The following STING1 variants were observed in gnomAD, a reference collection of about 807,000 sequenced individuals.
STING1 encodes the protein stimulator of interferon genes protein.
STING1 carries 19 observed loss-of-function variants against 31.6 expected under a neutral mutation model. The observed-to-expected ratio is 0.60, with a 90% CI of 0.42 to 0.88. The LOEUF is 0.88. Ranked by LOEUF, STING1 falls within the 40% of genes least tolerant of loss-of-function variation. The probability of loss-of-function intolerance (pLI) is 0.00; values close to 1 mark genes in which losing one functional copy is unlikely to be tolerated. For synonymous variants in STING1, 200 were observed against 208.6 expected (o/e 0.96, Z 0.35); for missense variants, 371 against 483.7 (o/e 0.77, Z 2.19).
At position 139,478,518 on chromosome 5, in the gene STING1, G is replaced by C; in HGVS notation, c.521-10C>G. On this transcript the variant is annotated splice_polypyrimidine_tract_variant and intron_variant, in intron 5 of 7. Coordinates refer to ENST00000330794, the MANE Select transcript of STING1 (RefSeq NM_198282.4). ...ATCCGGGCCTGGAGCTCTGAGGCAG[G>C]GAAGCCCAAGAAGTTATTCCTGCTA... 1 of 1,612,374 alleles carries C rather than the reference G, an allele frequency of 6.2e-7. No homozygotes were observed. Among genetic ancestry groups the C allele is most frequent in the Non-Finnish European group, 8.5e-7 (1 of 1,178,764 alleles).
chr5:139,481,145 C>A lies in STING1; in HGVS notation c.411+14G>T. ...ACCACTTGGCCAGAGCTTCTACCTC[C>A]CCCTGTGTCATACCTTGAGGCCCAG... On this transcript the variant is annotated intron_variant, in intron 4 of 7. Transcript: ENST00000330794. This position sits in a 1 kb window ranked among gnomAD's most constrained non-coding sequence, Gnocchi z 4.1. 1.2e-6 allele frequency: 2 copies of A among 1,613,666 alleles called. No individual in the cohort carries two copies. Among genetic ancestry groups the A allele is most frequent in the Non-Finnish European group, 1.7e-6 (2 of 1,179,702 alleles).
intron 7 of STING1, 55 bp downstream of exon 7, chr5:139,477,274 C>T: frequency 6.3e-7 from 1 of 1,579,078 alleles, no homozygotes; most frequent in South Asian, 1.2e-5. Flanking sequence ...ACCCTGGGAC[C>T]CCTGACTCCT....
In STING1 at chr5:139,476,470, A is replaced by G. The variant is rs1751664292; in HGVS notation, c.947-16T>C. ...TCTGCAGGTTCTGGAACAGGGAGATAGGGGAGAGAGTAATGAGGATCTTAC... is the reference window on the plus strand; with the variant it reads ...TCTGCAGGTTCTGGAACAGGGAGATGGGGGAGAGAGTAATGAGGATCTTAC... On this transcript the variant is annotated splice_polypyrimidine_tract_variant and intron_variant, in intron 7 of 7. Coordinates refer to ENST00000330794, the MANE Select transcript of STING1 (RefSeq NM_198282.4). 6.2e-7 allele frequency: 1 copy of G among 1,610,360 alleles called. No homozygotes were observed.
In STING1 at chr5:139,478,375, G is replaced by A. The variant is rs1450226566; in HGVS notation, c.654C>T (p.Asn218=). The change falls in exon 6 of 8, where the codon AAC becomes AAT. Residue 218 remains asparagine (N), a synonymous_variant. Coordinates refer to ENST00000330794, the MANE Select transcript of STING1 (RefSeq NM_198282.4). ...VPDNLSMADP[N]IRFLDKLPQQ... is the part of the protein sequence containing the mutation. ...GGGGCAGTTTATCCAGGAAGCGAAT[G>A]TTGGGGTCAGCCATACTCAGGTTAT... 3.1e-6 allele frequency: 5 copies of A among 1,614,194 alleles called. No homozygotes were observed. In the South Asian group the frequency reaches 4.4e-5, roughly 14 times the overall value.
At position 139,476,321 on chromosome 5, in the gene STING1, C is replaced by T; in HGVS notation, c.1080G>A (p.Glu360=). 1 of 1,611,580 alleles carries T rather than the reference C, an allele frequency of 6.2e-7. No individual in the cohort carries two copies. The highest frequency in any genetic ancestry group is 8.5e-7 in the Non-Finnish European group (1 of 1,179,430). Reference sequence around the variant, plus strand: ...CCATTCCACTGATGAGGAGCTCAGGCTCTTGGGACATCGTGGAGGTACTGG... The same window carrying T: ...CCATTCCACTGATGAGGAGCTCAGGTTCTTGGGACATCGTGGAGGTACTGG... The part of the protein sequence containing the change: ...AVPSTSTMSQ[E]PELLISGMEK... Residue 360 remains glutamate (E), a synonymous_variant, in exon 8 of 8, where the codon GAG becomes GAA. Transcript: ENST00000330794.
At chr5:139,480,726 A>G in intron 5 of STING1, 64 bp downstream of exon 5, 1 of 1,008,522 alleles carries the variant, frequency 9.9e-7, no homozygotes. Context: ...TAGAAACACA[A>G]GAGGCTGTGT....
Position 139,481,402 on chromosome 5 carries a change from C to G in STING1, c.228-60G>C. The stretch of plus-strand genomic sequence containing the variant: ...CCAGCCCAGCTCAGCCAGAGAGGTT[C>G]AAGGAGGGGCAGGGCTAGGCATCAA... On this transcript the variant is annotated intron_variant, in intron 3 of 7. Transcript: ENST00000330794. This position sits in a 1 kb window ranked among gnomAD's most constrained non-coding sequence, Gnocchi z 4.1. The G allele has an allele frequency of 1.3e-6, 2 of 1,585,032 alleles. No homozygotes were observed. Among genetic ancestry groups the G allele is most frequent in the South Asian group, 2.3e-5 (2 of 85,604 alleles).
chr5:139,479,656 T>C (rs1156998963), intron 5 of STING1, among the ~76,000 whole-genome samples: 1 of 150,258 alleles, frequency 6.7e-6, no homozygotes, highest in East Asian at 2.0e-4. Flanking sequence ...GAGCCCAGAT[T>C]GTGCCACTCT....
chr5:139,481,017 C>A lies in STING1; in HGVS notation c.412-119G>T, dbSNP rs1351166673. 3.3e-6 allele frequency: 4 copies of A among 1,204,336 alleles called. No homozygotes were observed. The African/African-American group carries it at 6.0e-5, about 18-fold the overall frequency. 74.6% of individuals were successfully genotyped at this position (1,204,336 alleles called of 1,614,324 possible). ...TGATCCCTCTTTTGCCATTGCCAAA[C>A]CCACTGTTCCAGGACATTATAGGTT... On this transcript the variant is annotated intron_variant, in intron 4 of 7. Transcript: ENST00000330794. The surrounding 1 kb of genome is among the most constrained non-coding windows in gnomAD (Gnocchi z 4.1).
chr5:139,477,301 T>TCAACCCCTCACACTAC (rs777922555), intron 7 of STING1, 28 bp downstream of exon 7: 1 of 1,608,834 alleles, frequency 6.2e-7, no homozygotes, highest in East Asian at 2.2e-5. Flanking sequence ...CTCCAGCCTA[T>TCAACCCCTCACACTAC]CAACCCCTCA....
intron 5 of STING1, among the ~76,000 whole-genome samples, chr5:139,479,986 A>G (rs1751787451): frequency 6.7e-6 from 1 of 148,566 alleles, no homozygotes; most frequent in Non-Finnish European, 1.5e-5. Flanking sequence ...TCTGCGCAAC[A>G]GAGTGAGACT....
In STING1 at chr5:139,481,752, C is replaced by T. The variant is rs1225112058; in HGVS notation, c.1-48G>A. On this transcript the variant is annotated intron_variant, in intron 2 of 7. Coordinates refer to ENST00000330794, the MANE Select transcript of STING1 (RefSeq NM_198282.4). This position sits in a 1 kb window ranked among gnomAD's most constrained non-coding sequence, Gnocchi z 4.1. ...GACCATTCTCCCCTTGCCCTCCTGC[C>T]CTTCTGGGACTGAGGCTCTGGCTGG... is the stretch of plus-strand genomic sequence containing the variant. The T allele has an allele frequency of 6.8e-7, 1 of 1,478,070 alleles. No individual in the cohort carries two copies. Among genetic ancestry groups the T allele is most frequent in the South Asian group, 1.2e-5 (1 of 81,368 alleles). 91.6% of individuals were successfully genotyped at this position (1,478,070 alleles called of 1,614,324 possible). A position where few individuals can be genotyped will look rare whatever the true frequency, so the allele number is the denominator to read the frequency against.
At chr5:139,478,200 G>T in intron 6 of STING1, 70 bp downstream of exon 6, 1 of 1,222,122 alleles carries the variant, frequency 8.2e-7, no homozygotes, top group Non-Finnish European at 1.2e-6. Context: ...TTTCATCAGT[G>T]CTTGGCTAGG....
chr5:139,478,810 T>C (rs554218439), intron 5 of STING1: 1 of 365,510 alleles, frequency 2.7e-6, no homozygotes, highest in East Asian at 5.4e-5. Flanking sequence ...AGGTGACATT[T>C]CCAGCATTCT....
At position 139,481,701 on chromosome 5, in the gene STING1, G is replaced by A. The variant is rs1223377482; in HGVS notation, c.4C>T (p.Pro2Ser). 3.2e-5 allele frequency: 51 copies of A among 1,596,158 alleles called. No individual in the cohort carries two copies. The highest frequency in any genetic ancestry group is 4.4e-5 in the Non-Finnish European group (51 of 1,166,556). Residue 2 changes from proline to serine, a missense_variant, in exon 3 of 8, where the codon CCC becomes TCC. By Grantham distance (74) the Pro-to-Ser change is moderately conservative (BLOSUM62 -1). Transcript: ENST00000330794. This position sits in a 1 kb window ranked among gnomAD's most constrained non-coding sequence, Gnocchi z 4.1. M[P>S]HSSLHPSIPC... Reference sequence around the variant, plus strand: ...ATGGATGGATGCAGGCTGGAGTGGGGCATCTGTGGGCACCAAGAAATCCAT... The same window carrying A: ...ATGGATGGATGCAGGCTGGAGTGGGACATCTGTGGGCACCAAGAAATCCAT...
Position 139,476,190 on chromosome 5 carries a change from A to G in STING1, c.*71T>C. 2 of 1,238,568 alleles carry G rather than the reference A, an allele frequency of 1.6e-6. No individual in the cohort carries two copies. Among genetic ancestry groups the G allele is most frequent in the Non-Finnish European group, 2.3e-6 (2 of 888,428 alleles). The allele number at this position is 1,238,568 out of a possible 1,614,324, so 76.7% of individuals were successfully genotyped here. A position where few individuals can be genotyped will look rare whatever the true frequency, so the allele number is the denominator to read the frequency against. On this transcript the variant is annotated 3_prime_UTR_variant, in exon 8 of 8. Transcript: ENST00000330794. ...AAGGAAATAGCTCTGCTGGACATTCAGCCACTGAAGAGAGCCCCCAGTCCA... is the reference window on the plus strand; with the variant it reads ...AAGGAAATAGCTCTGCTGGACATTCGGCCACTGAAGAGAGCCCCCAGTCCA...
rs757686770 is a variant in STING1, at chr5:139,481,189, C to T, written c.381G>A (p.Ser127=). ...FTWMLALLGL[S]QALNILLGLK... ...GGCCCAGGAGGATGTTCAGTGCCTG[C>T]GAGAGGCCCAGGAGGGCAAGCATCC... The change falls in exon 4 of 8, where the codon TCG becomes TCA. Residue 127 remains serine, a synonymous_variant. Transcript: ENST00000330794. The surrounding 1 kb of genome is among the most constrained non-coding windows in gnomAD (Gnocchi z 4.1). 12 of 1,614,072 alleles carry T rather than the reference C, an allele frequency of 7.4e-6. No individual in the cohort carries two copies. The highest frequency in any genetic ancestry group is 3.3e-5 in the South Asian group (3 of 91,088).
At chr5:139,476,558 C>A (rs534922966) in intron 7 of STING1, 104 bp from the exon 8 acceptor site, 135 of 1,025,736 alleles carry the variant, frequency 1.3e-4, no homozygotes, top group Admixed American at 6.4e-4. Context: ...TCCCTACCCC[C>A]CTTCCTACCC....
chr5:139,479,233 A>AAACAACAACAAC (rs79292081), intron 5 of STING1: 10 of 147,474 alleles, frequency 6.8e-5, no homozygotes, highest in South Asian at 4.4e-4. Flanking sequence ...CTTCATCTCA[A>AAACAACAACAAC]AACAACAACA....
Sources: gnomAD v4.1 joint callset for allele counts (sites outside exome capture counted in the v4.1 genomes callset) on GRCh38, gnomAD v4.1.1 for gene constraint, Gnocchi (gnomAD v3.1) non-coding constraint, MANE v1.5 for transcripts, NCBI Gene and HGNC (gene_info 2026-07-23, HGNC 2026-07-21) for gene names.